Variants in HHLA1 observed in about 807,000 individuals in gnomAD.
The protein encoded by HHLA1 is HHLA1 neighbor of OC90.
In HHLA1, 72 loss-of-function variants were observed where a neutral mutation model predicts 69.9. That is an observed-to-expected ratio of 1.03 (90% CI 0.85 to 1.25). The LOEUF (loss-of-function observed/expected upper bound fraction) is 1.25. Among genes scored for constraint, HHLA1 ranks in the 50% most tolerant of loss-of-function variants. The pLI is 0.00. For synonymous variants in HHLA1, 252 were observed against 233.2 expected, an observed-to-expected ratio of 1.08 and a Z score of -0.73; for missense variants, 685 against 642.2, an observed-to-expected ratio of 1.07 and a Z score of -0.72.
In HHLA1 at chr8:132,095,754, T is replaced by C; in HGVS notation, c.313A>G (p.Thr105Ala). 1 of 1,551,170 alleles carries C rather than the reference T, an allele frequency of 6.4e-7. No individual in the cohort carries two copies. Among genetic ancestry groups the C allele is most frequent in the Non-Finnish European group, 8.7e-7 (1 of 1,146,798 alleles). Reference sequence around the variant, plus strand: ...TGGAAGGCGAAGGAACTGTAGGAAGTGACACTCAGCAAGGAGAAGAACTTC... The same window carrying C: ...TGGAAGGCGAAGGAACTGTAGGAAGCGACACTCAGCAAGGAGAAGAACTTC... ...SKKFFSLLSVTSYSSFAFHKF... is the reference protein window; with the variant it reads ...SKKFFSLLSVASYSSFAFHKF... The change falls in exon 6 of 17, where the codon ACT (threonine) becomes GCT (alanine). Residue 105 changes from threonine to alanine, a missense_variant. Thr to Ala is a moderately conservative substitution (Grantham distance 58). Coordinates refer to ENST00000414222, the MANE Select transcript of HHLA1 (RefSeq NM_001145095.3).
intron 13 of HHLA1, 56 bp downstream of exon 13, chr8:132,076,419 T>TTCCCCCCCCCCCC: frequency 1.7e-6 from 1 of 596,568 alleles, no homozygotes; most frequent in Admixed American, 2.7e-5. Flanking sequence ...TCCCCAAGCT[T>TTCCCCCCCCCCCC]CCCACCCCTC....
intron 1 of HHLA1, among the ~76,000 whole-genome samples, chr8:132,108,975 A>T (rs181181623): frequency 2.0e-5 from 3 of 152,142 alleles, no homozygotes; most frequent in Non-Finnish European, 4.4e-5. Context: ...TAAGTCCCCA[A>T]GTCTGATGGC....
At chr8:132,092,314 T>G (rs543915359) in intron 7 of HHLA1, among the ~76,000 whole-genome samples, 2 of 152,220 alleles carry the variant, frequency 1.3e-5, no homozygotes, top group African/African-American at 4.8e-5. Context: ...TTCTGGGAAA[T>G]AGGATGTAAG....
rs117542485 is a variant in HHLA1 at position 132,094,898 on chromosome 8, C to T, written c.448+621G>A. On this transcript the variant is annotated intron_variant, in intron 7 of 16. Coordinates refer to ENST00000414222, the MANE Select transcript of HHLA1 (RefSeq NM_001145095.3). ...TGAATTAACGGTGCAAAAATTGTCA[C>T]TTTTATTTTTCAGTATTCTCTAAAA... 9.2e-3 allele frequency among the ~76,000 whole-genome samples: 1,405 copies of T among 152,278 alleles called. 7 individuals are homozygous for T. Among genetic ancestry groups the T allele is most frequent in the South Asian group, 0.015 (71 of 4,826 alleles).
chr8:132,088,296 G>A lies in HHLA1; in HGVS notation c.533-395C>T, dbSNP rs78143499. ...CTCTGTAAGACAACATGTTTTGTGT[G>A]AGCTTGGTACCCAAATTTGAAAAAT... On this transcript the variant is annotated intron_variant, in intron 8 of 16. Coordinates refer to ENST00000414222, the MANE Select transcript of HHLA1 (RefSeq NM_001145095.3). Among the ~76,000 whole-genome samples, 925 of 152,268 alleles carry A rather than the reference G, an allele frequency of 6.1e-3. 9 individuals carry two copies. The highest frequency in any genetic ancestry group is 0.021 in the African/African-American group (889 of 41,532).
chr8:132,081,046 A>C (rs1440674956), intron 10 of HHLA1: 2 of 152,222 alleles, frequency 1.3e-5, no homozygotes. Flanking sequence ...GAGAGTGCCT[A>C]AGGAGATTCA....
intron 15 of HHLA1, among the ~76,000 whole-genome samples, chr8:132,067,420 A>C (rs1296699207): frequency 6.6e-6 from 1 of 152,226 alleles, no homozygotes; most frequent in African/African-American, 2.4e-5. Flanking sequence ...AGTGTGAAGA[A>C]GCAATTGATG....
chr8:132,079,699 G>C lies in HHLA1; in HGVS notation c.925+19C>G, dbSNP rs1191487808. 4 of 1,529,136 alleles carry C rather than the reference G, an allele frequency of 2.6e-6. No homozygotes were observed. Among genetic ancestry groups the C allele is most frequent in the Admixed American group, 2.1e-5 (1 of 47,824 alleles). 94.7% of individuals were successfully genotyped at this position (1,529,136 alleles called of 1,614,324 possible). ...GCGAGACATAGCAAAGGGGAGGAAA[G>C]GGTGAGAATGCATCTTACCCAAGGC... On this transcript the variant is annotated intron_variant, in intron 11 of 16. Transcript: ENST00000414222.
At chr8:132,070,310 G>A in intron 15 of HHLA1, 1 of 701,850 alleles carries the variant, frequency 1.4e-6, no homozygotes, top group Non-Finnish European at 2.6e-6. Context: ...ATATAAAACA[G>A]GTTCTGCTTT....
At chr8:132,105,312 G>T in intron 1 of HHLA1, 26 bp from the exon 2 acceptor site, 1 of 1,418,464 alleles carries the variant, frequency 7.0e-7, no homozygotes, top group African/African-American at 1.4e-5. Context: ...CAAACACTTA[G>T]GAAACTAAGC....
At chr8:132,076,192 G>T in intron 13 of HHLA1, 63 bp from the exon 14 acceptor site, 1 of 1,142,996 alleles carries the variant, frequency 8.7e-7, no homozygotes, top group Non-Finnish European at 1.3e-6. Flanking sequence ...GATACACACA[G>T]CAAGAAATTT....
intron 14 of HHLA1, among the ~76,000 whole-genome samples, chr8:132,074,299 A>G (rs1186941617): frequency 1.3e-5 from 2 of 151,916 alleles, no homozygotes; most frequent in Admixed American, 1.3e-4. Flanking sequence ...TTCTCTTAAG[A>G]ATCTAGTCAC....
chr8:132,076,174 C>T (rs773758356), intron 13 of HHLA1, 45 bp from the exon 14 acceptor site: 16 of 1,338,406 alleles, frequency 1.2e-5, no homozygotes, highest in Non-Finnish European at 1.7e-5. Flanking sequence ...AATGGAATTA[C>T]CTTAGGTGAT....
At chr8:132,079,270 C>T (rs1254548130) in intron 11 of HHLA1, among the ~76,000 whole-genome samples, 1 of 152,186 alleles carries the variant, frequency 6.6e-6, no homozygotes, top group East Asian at 1.9e-4. Context: ...TACAGACTGA[C>T]CTAACCATGC....
Position 132,076,042 on chromosome 8 carries a change from C to A in HHLA1, c.1315+13G>T. 6.5e-7 allele frequency: 1 copy of A among 1,536,186 alleles called. No homozygotes were observed. The highest frequency in any genetic ancestry group is 1.2e-5 in the South Asian group (1 of 83,732). Reference sequence around the variant, plus strand: ...AACACAAGCAATAGTAATGACTGGGCACTGGTACTTACTTGAAACTTGATG... The same window carrying A: ...AACACAAGCAATAGTAATGACTGGGAACTGGTACTTACTTGAAACTTGATG... On this transcript the variant is annotated intron_variant, in intron 14 of 16. Coordinates refer to ENST00000414222, the MANE Select transcript of HHLA1 (RefSeq NM_001145095.3).
intron 1 of HHLA1, among the ~76,000 whole-genome samples, chr8:132,109,586 A>G (rs556592258): frequency 6.6e-6 from 1 of 152,078 alleles, no homozygotes; most frequent in Non-Finnish European, 1.5e-5. Context: ...TGTTATTTCA[A>G]CTTCTCAAGC....
chr8:132,093,549 G>A (rs113365733), intron 7 of HHLA1, among the ~76,000 whole-genome samples: 121 of 152,254 alleles, frequency 7.9e-4, no homozygotes, highest in African/African-American at 2.5e-3. Flanking sequence ...TCATGGTAGC[G>A]CTGTGACTTC....
At position 132,080,401 on chromosome 8, in the gene HHLA1, G is replaced by A. The variant is rs1823730150; in HGVS notation, c.677-435C>T. The A allele has an allele frequency of 9.3e-6, 3 of 322,102 alleles. No homozygotes were observed. The Admixed American group carries it at 1.4e-4, about 15-fold the overall frequency. 20.0% of individuals were successfully genotyped at this position (322,102 alleles called of 1,614,324 possible). ...TTTGGGTAGGTAAAGGAAAATTACA[G>A]TCAAAGGGGGTTTGTTCTCTGGCGG... On this transcript the variant is annotated intron_variant, in intron 10 of 16. Transcript: ENST00000414222.
At chr8:132,095,460 T>C (rs1203777999) in intron 7 of HHLA1, 59 bp downstream of exon 7, 5 of 1,149,094 alleles carry the variant, frequency 4.4e-6, no homozygotes, top group Non-Finnish European at 6.4e-6. Flanking sequence ...CAAAAACTTA[T>C]CTAAAAGGAC....
Sources: allele counts gnomAD v4.1 joint callset (sites outside exome capture counted in the v4.1 genomes callset), GRCh38; gene constraint gnomAD v4.1.1; transcripts MANE v1.5; gene names NCBI Gene and HGNC (gene_info 2026-07-23, HGNC 2026-07-21).